TLN2: variants seen among roughly 807,000 people sequenced by gnomAD.
TLN2 encodes the protein talin 2.
Under a neutral mutation model 294.7 loss-of-function variants are expected in TLN2, and 118 were observed. The ratio of observed to expected loss-of-function variants is 0.40; its 90% CI spans 0.34 to 0.47. The LOEUF is 0.47. Among genes scored for constraint, TLN2 ranks in the 20% least tolerant of loss-of-function variants. TLN2 has a pLI of 0.84. For synonymous variants in TLN2, 1,431 were observed against 1,304.5 expected, an observed-to-expected ratio of 1.10 and a Z score of -2.09; for missense variants, 3,083 against 3,282.2, an observed-to-expected ratio of 0.94 and a Z score of 1.48.
intron 1 of TLN2, among the ~76,000 whole-genome samples, chr15:62,475,695 G>A (rs1457167437): frequency 2.0e-5 from 3 of 152,152 alleles, no homozygotes; most frequent in Non-Finnish European, 4.4e-5. Flanking sequence ...CTGCTCAAAT[G>A]TGAACAGTTC....
intron 30 of TLN2, 23 bp from the exon 31 acceptor site, chr15:62,739,325 G>C (rs766892212): frequency 5.0e-6 from 8 of 1,605,442 alleles, no homozygotes; most frequent in Non-Finnish European, 6.8e-6. Flanking sequence ...TGTCTCATGG[G>C]GTGTGCCGTC....
At chr15:62,414,324 C>T (rs1394053573) in intron 1 of TLN2, among the ~76,000 whole-genome samples, 2 of 136,500 alleles carry the variant, frequency 1.5e-5, no homozygotes, top group African/African-American at 5.2e-5. Context: ...ACTGGTGTTC[C>T]AAGGGGATTG....
chr15:62,679,452 G>A (rs528665084), intron 11 of TLN2, among the ~76,000 whole-genome samples: 50 of 152,196 alleles, frequency 3.3e-4, no homozygotes, highest in Non-Finnish European at 5.9e-4. Flanking sequence ...ATGAAGTACC[G>A]ATATATGCTA....
intron 51 of TLN2, 133 bp from the exon 52 acceptor site, chr15:62,809,792 A>T: frequency 1.3e-6 from 1 of 746,118 alleles, no homozygotes; most frequent in Non-Finnish European, 2.3e-6. Flanking sequence ...TAGAGGAGAG[A>T]TACCTCTTCT....
chr15:62,596,327 C>CA (rs971398320), intron 2 of TLN2, among the ~76,000 whole-genome samples: 6 of 148,222 alleles, frequency 4.0e-5, no homozygotes, highest in Non-Finnish European at 8.9e-5. Flanking sequence ...ATTCTTATCA[C>CA]AAAAAAAATA....
At chr15:62,542,417 C>T (rs900461099) in intron 1 of TLN2, among the ~76,000 whole-genome samples, 1 of 152,166 alleles carries the variant, frequency 6.6e-6, no homozygotes, top group East Asian at 1.9e-4. Flanking sequence ...GTCTCGATCT[C>T]CTGACCTCTT....
intron 9 of TLN2, among the ~76,000 whole-genome samples, chr15:62,663,675 A>G (rs2054177851): frequency 6.6e-6 from 1 of 152,058 alleles, no homozygotes; most frequent in Admixed American, 6.5e-5. Context: ...TACCTTTTAT[A>G]GTAGTTACAA....
At chr15:62,482,602 CAAAAAAA>C (rs781297837) in intron 1 of TLN2, among the ~76,000 whole-genome samples, 1 of 75,774 alleles carries the variant, frequency 1.3e-5, no homozygotes, top group African/African-American at 4.7e-5. Flanking sequence ...AACGTTGTCT[CAAAAAAA>C]AAAAAAAAAA....
chr15:62,838,949 G>C lies in TLN2; in HGVS notation c.7468G>C (p.Val2490Leu). Residue 2490 changes from valine (V) to leucine (L), a missense_variant, in exon 58 of 59, where the codon GTG (valine) becomes CTG (leucine). Coordinates refer to ENST00000636159, the MANE Select transcript of TLN2 (RefSeq NM_015059.3). Reference protein sequence around the residue: ...FGKADDDDVVVKTKFVGGIAQ... With the variant: ...FGKADDDDVVLKTKFVGGIAQ... Reference sequence around the variant, plus strand: ...CAAAGCTGATGACGACGATGTTGTAGTGAAAACCAAGTTTGTGGGGGGCAT... The same window carrying C: ...CAAAGCTGATGACGACGATGTTGTACTGAAAACCAAGTTTGTGGGGGGCAT... 1 of 1,614,218 alleles carries C rather than the reference G, an allele frequency of 6.2e-7. No individual in the cohort carries two copies. Among genetic ancestry groups the C allele is most frequent in the Non-Finnish European group, 8.5e-7 (1 of 1,180,026 alleles).
At chr15:62,604,698 T>C (rs960499931) in intron 2 of TLN2, among the ~76,000 whole-genome samples, 4 of 150,624 alleles carry the variant, frequency 2.7e-5, no homozygotes, top group African/African-American at 9.8e-5. Flanking sequence ...CGTCTTCTTT[T>C]TTTTTTTTTT....
intron 1 of TLN2, among the ~76,000 whole-genome samples, chr15:62,459,799 G>A (rs2036688202): frequency 6.6e-6 from 1 of 151,862 alleles, no homozygotes; most frequent in Non-Finnish European, 1.5e-5. Context: ...GTTGGCCTGG[G>A]GCCACTTAGT....
intron 3 of TLN2, chr15:62,644,629 T>C (rs2051604168): frequency 4.4e-6 from 2 of 455,836 alleles, no homozygotes; most frequent in Non-Finnish European, 8.8e-6. Flanking sequence ...CTCTCTCCTG[T>C]GCACCTTGCG....
chr15:62,749,116 G>A (rs150223252), intron 33 of TLN2, among the ~76,000 whole-genome samples: 6 of 152,218 alleles, frequency 3.9e-5, no homozygotes, highest in African/African-American at 1.4e-4. Context: ...TGCCAGACGA[G>A]TATCTCAGTA....
At chr15:62,510,787 C>G (rs181483996) in intron 1 of TLN2, among the ~76,000 whole-genome samples, 83 of 152,312 alleles carry the variant, frequency 5.4e-4, no homozygotes, top group Middle Eastern at 3.4e-3. Flanking sequence ...CTTGGAATGA[C>G]TCTCTGAGAA....
At position 62,552,035 on chromosome 15, in the gene TLN2, G is replaced by A. The variant is rs373422562; in HGVS notation, c.-237-37652G>A. 4.7e-4 allele frequency among the ~76,000 whole-genome samples: 71 copies of A among 152,280 alleles called. No homozygotes were observed. The South Asian group carries it at 0.014, about 31-fold the overall frequency. On this transcript the variant is annotated intron_variant, in intron 1 of 58. Transcript: ENST00000636159. ...AGCCCAGTTAATCTTGACATTGTTC[G>A]CTTTTTGAGTCAGGTACTTCTTTGT...
In TLN2 at chr15:62,810,009, G is replaced by T. The variant is rs769194330; in HGVS notation, c.6748G>T (p.Asp2250Tyr). 8 of 1,613,880 alleles carry T rather than the reference G, an allele frequency of 5.0e-6. No individual in the cohort carries two copies. The highest frequency in any genetic ancestry group is 6.8e-6 in the Non-Finnish European group (8 of 1,180,014). ...GACGGAGTGCACCCTTGGCTACTTG[G>T]ACCTCCTGGAGCACGTCTTGGTGGT... is the stretch of plus-strand genomic sequence containing the variant. ...FGTECTLGYLDLLEHVLVILQ... is the reference protein window; with the variant it reads ...FGTECTLGYLYLLEHVLVILQ... Residue 2250 changes from aspartate (D) to tyrosine (Y), a missense_variant, in exon 52 of 59, where the codon GAC becomes TAC. By Grantham distance (160) the Asp-to-Tyr change is radical. Transcript: ENST00000636159.
intron 58 of TLN2, among the ~76,000 whole-genome samples, chr15:62,839,652 C>CTGTT (rs1238849870): frequency 6.6e-6 from 1 of 152,160 alleles, no homozygotes; most frequent in Non-Finnish European, 1.5e-5. Flanking sequence ...TTTTAGGGGA[C>CTGTT]TGTTTTATTT....
chr15:62,617,934 A>T (rs141271602), intron 2 of TLN2, among the ~76,000 whole-genome samples: 1 of 151,814 alleles, frequency 6.6e-6, no homozygotes, highest in African/African-American at 2.4e-5. Flanking sequence ...AAGCTGAGTT[A>T]TCCAAGTGAT....
At chr15:62,417,515 CT>C (rs1206816395) in intron 1 of TLN2, among the ~76,000 whole-genome samples, 2 of 152,168 alleles carry the variant, frequency 1.3e-5, no homozygotes, top group Non-Finnish European at 2.9e-5. Flanking sequence ...TAGAAATGCC[CT>C]TTCAGATACT....
Sources: gnomAD v4.1 joint callset for allele counts (sites outside exome capture counted in the v4.1 genomes callset) on GRCh38, gnomAD v4.1.1 for gene constraint, MANE v1.5 for transcripts, NCBI Gene and HGNC (gene_info 2026-07-23, HGNC 2026-07-21) for gene names.